Variants in NBDY observed in about 807,000 individuals in gnomAD.
NBDY encodes P-body dissociating protein.
intron 2 of NBDY, among the ~76,000 whole-genome samples, chrX:56,785,143 T>A (rs914314121): frequency 1.8e-5 from 2 of 110,992 alleles, no homozygotes; most frequent in African/African-American, 6.6e-5. Flanking sequence ...TCCCAGGGCA[T>A]TCCAGGAAGA....
chrX:56,761,431 G>T (rs898965167), intron 2 of NBDY, among the ~76,000 whole-genome samples: 1 of 113,147 alleles, frequency 8.8e-6, no homozygotes, highest in Non-Finnish European at 1.9e-5. Flanking sequence ...GGCCCAACAG[G>T]CCTCTGTGCA....
intron 2 of NBDY, among the ~76,000 whole-genome samples, chrX:56,805,111 C>A (rs1475344828): frequency 8.9e-6 from 1 of 111,894 alleles, no homozygotes; most frequent in Non-Finnish European, 1.9e-5. Flanking sequence ...CAGGGCATTC[C>A]AGGAAGAAGG....
intron 2 of NBDY, among the ~76,000 whole-genome samples, chrX:56,793,487 C>CT (rs1160690933): frequency 1.8e-5 from 2 of 110,402 alleles, no homozygotes; most frequent in Non-Finnish European, 3.8e-5. Context: ...TTCTCCTTGT[C>CT]TTTTTTTTCT....
intron 2 of NBDY, among the ~76,000 whole-genome samples, chrX:56,810,696 T>C (rs1194836231): frequency 9.0e-6 from 1 of 110,946 alleles, no homozygotes; most frequent in Non-Finnish European, 1.9e-5. Context: ...GGTTAGAACA[T>C]GTTCCTTTAG....
intron 2 of NBDY, among the ~76,000 whole-genome samples, chrX:56,798,794 A>C (rs910031141): frequency 2.7e-5 from 3 of 112,206 alleles, no homozygotes; most frequent in Non-Finnish European, 5.6e-5. Context: ...TCTCCAGCCT[A>C]CTGGTCCTTG....
chrX:56,801,807 ACTCT>A, intron 2 of NBDY, among the ~76,000 whole-genome samples: 1 of 110,572 alleles, frequency 9.0e-6, no homozygotes, highest in Middle Eastern at 4.6e-3. Context: ...CCATTTGCCC[ACTCT>A]CACTCACACA....
chrX:56,809,637 C>G (rs1429648149), intron 2 of NBDY, among the ~76,000 whole-genome samples: 1 of 111,964 alleles, frequency 8.9e-6, no homozygotes, highest in Admixed American at 9.5e-5. Context: ...TTTTGTTGAG[C>G]CTGTGTGTGT....
intron 2 of NBDY, among the ~76,000 whole-genome samples, chrX:56,781,193 A>C (rs1483436017): frequency 8.9e-6 from 1 of 111,820 alleles, no homozygotes; most frequent in Non-Finnish European, 1.9e-5. Flanking sequence ...GTCCTCAGGC[A>C]CATACAAGTA....
intron 2 of NBDY, among the ~76,000 whole-genome samples, chrX:56,816,644 C>T (rs769694851): frequency 2.7e-5 from 3 of 109,737 alleles, no homozygotes; most frequent in Non-Finnish European, 3.8e-5. Flanking sequence ...AACAAATTGC[C>T]GAAGTGTATG....
chrX:56,731,373 A>G (rs1474433317), intron 1 of NBDY, among the ~76,000 whole-genome samples: 2 of 102,383 alleles, frequency 2.0e-5, no homozygotes, highest in African/African-American at 7.0e-5. Context: ...AGCCTGGCCA[A>G]TATGGCGAAA....
intron 2 of NBDY, among the ~76,000 whole-genome samples, chrX:56,792,907 C>T (rs768661279): frequency 4.5e-5 from 5 of 111,243 alleles, no homozygotes; most frequent in East Asian, 2.9e-4. Context: ...TGCTTAAAAA[C>T]GGACCCTGCA....
intron 2 of NBDY, among the ~76,000 whole-genome samples, chrX:56,742,847 C>T (rs888111120): frequency 9.0e-6 from 1 of 111,404 alleles, no homozygotes; most frequent in African/African-American, 3.3e-5. Context: ...CTAACTAGGA[C>T]TTGCAGTACT....
intron 1 of NBDY, among the ~76,000 whole-genome samples, chrX:56,729,995 T>TAAA (rs1161912998): frequency 9.8e-6 from 1 of 101,994 alleles, no homozygotes; most frequent in Non-Finnish European, 2.0e-5. Flanking sequence ...ATTTTTTTGT[T>TAAA]AAAAAAAAAA....
intron 2 of NBDY, among the ~76,000 whole-genome samples, chrX:56,765,877 T>A (rs2069663145): frequency 9.0e-6 from 1 of 111,134 alleles, no homozygotes; most frequent in Admixed American, 9.6e-5. Context: ...GTTTTTCCTT[T>A]CACTTGCGGA....
intron 2 of NBDY, among the ~76,000 whole-genome samples, chrX:56,795,179 G>A (rs1163948042): frequency 8.9e-6 from 1 of 112,282 alleles, no homozygotes; most frequent in East Asian, 2.8e-4. Context: ...TTGCTGTGCT[G>A]CGTGTGAAAG....
intron 2 of NBDY, among the ~76,000 whole-genome samples, chrX:56,742,839 A>G (rs994316321): frequency 9.0e-6 from 1 of 111,452 alleles, no homozygotes; most frequent in Non-Finnish European, 1.9e-5. Context: ...TGATTGCTCT[A>G]ACTAGGACTT....
intron 2 of NBDY, among the ~76,000 whole-genome samples, chrX:56,767,446 G>A (rs1032367996): frequency 8.8e-6 from 1 of 113,415 alleles, no homozygotes; most frequent in East Asian, 2.8e-4. Context: ...TGTCTCCACT[G>A]GCCAAGGTCG....
intron 2 of NBDY, among the ~76,000 whole-genome samples, chrX:56,735,980 G>A (rs933195978): frequency 9.0e-6 from 1 of 110,558 alleles, no homozygotes; most frequent in Non-Finnish European, 1.9e-5. Context: ...TGGTTCCTAG[G>A]GAATATGAGA....
chrX:56,798,913 T>C (rs1018781339), intron 2 of NBDY, among the ~76,000 whole-genome samples: 4 of 111,797 alleles, frequency 3.6e-5, no homozygotes, highest in Non-Finnish European at 7.5e-5. Flanking sequence ...TTTTTCACAT[T>C]GGAAAAGGTG....
Sources: allele counts gnomAD v4.1 joint callset (sites outside exome capture counted in the v4.1 genomes callset), GRCh38; gene constraint gnomAD v4.1.1; transcripts MANE v1.5; gene names NCBI Gene and HGNC (gene_info 2026-07-23, HGNC 2026-07-21).